The following AGFG1 variants were observed in gnomAD, a reference collection of about 807,000 sequenced individuals.
AGFG1 encodes arf-GAP domain and FG repeat-containing protein 1.
AGFG1 carries 10 observed loss-of-function variants against 60.6 expected under a neutral mutation model. The observed-to-expected ratio is 0.16, with a 90% CI of 0.10 to 0.28. The LOEUF (loss-of-function observed/expected upper bound fraction) is 0.28. AGFG1 is among the 10% of genes least tolerant of loss of function. The pLI is 1.00. For missense variants in AGFG1, 537 were observed against 676.5 expected (o/e 0.79, Z 2.29); for synonymous variants, 247 against 242.9 (o/e 1.02, Z -0.16).
intron 2 of AGFG1, among the ~76,000 whole-genome samples, chr2:227,514,540 A>G (rs568591327): frequency 8.1e-4 from 124 of 152,314 alleles, no homozygotes; most frequent in African/African-American, 2.9e-3. Context: ...AGTACAAAAC[A>G]TATATTAATT....
At chr2:227,536,865 T>G (rs2106225079) in intron 9 of AGFG1, 36 bp from the exon 10 acceptor site, 2 of 1,573,068 alleles carry the variant, frequency 1.3e-6, no homozygotes, top group East Asian at 2.3e-5. Flanking sequence ...ACAAAATGTA[T>G]TAGGATTTTA....
rs1693017889 is a variant in AGFG1 at position 227,557,790 on chromosome 2, A to G, written c.*3295A>G. The stretch of plus-strand genomic sequence containing the variant: ...CATTCCAACTTAAAAATTACACAGC[A>G]TACACACGCTGGAAAACTCCACTGT... On this transcript the variant is annotated 3_prime_UTR_variant, in exon 13 of 13. Coordinates refer to ENST00000310078, the MANE Select transcript of AGFG1 (RefSeq NM_004504.5). 6.6e-6 allele frequency: 1 copy of G among 152,232 alleles called. No individual in the cohort carries two copies. The highest frequency in any genetic ancestry group is 1.5e-5 in the Non-Finnish European group (1 of 68,046). 9.4% of individuals were successfully genotyped at this position (152,232 alleles called of 1,614,324 possible). A position where few individuals can be genotyped will look rare whatever the true frequency, so the allele number is the denominator to read the frequency against.
chr2:227,508,887 A>T (rs573584076), intron 2 of AGFG1, among the ~76,000 whole-genome samples: 1 of 152,250 alleles, frequency 6.6e-6, no homozygotes, highest in African/African-American at 2.4e-5. Context: ...ATATATTATA[A>T]ATGTGGATGA....
At chr2:227,536,364 A>G (rs1331222881) in intron 8 of AGFG1, among the ~76,000 whole-genome samples, 1 of 152,096 alleles carries the variant, frequency 6.6e-6, no homozygotes, top group African/African-American at 2.4e-5. Context: ...ACCAAACTGT[A>G]CTAGTCGTTA....
rs546489118 is a variant in AGFG1, at chr2:227,535,012, A to C, written c.1192A>C (p.Ser398Arg). The C allele has an allele frequency of 6.2e-7, 1 of 1,611,630 alleles. No homozygotes were observed. The highest frequency in any genetic ancestry group is 8.5e-7 in the Non-Finnish European group (1 of 1,178,684). The change falls in exon 8 of 13, where the codon AGT (serine) becomes CGT (arginine). Residue 398 changes from serine to arginine, a missense_variant. Ser to Arg is a moderately radical substitution (Grantham distance 110). Around this residue, in one of 4 missense-constraint regions of AGFG1, gnomAD observed 287 missense variants for 343.6 expected, o/e 0.84. Coordinates refer to ENST00000310078, the MANE Select transcript of AGFG1 (RefSeq NM_004504.5). ...CTCCAGTAATGCGTATACTTCCACAAGTAATGCTAGCAGGTACCTTGTCTT... is the reference window on the plus strand; with the variant it reads ...CTCCAGTAATGCGTATACTTCCACACGTAATGCTAGCAGGTACCTTGTCTT... ...ATSSNAYTST[S>R]NASSNVFGTV...
At chr2:227,552,243 CA>C in intron 11 of AGFG1, 126 bp downstream of exon 11, 2 of 1,162,138 alleles carry the variant, frequency 1.7e-6, no homozygotes, top group Non-Finnish European at 2.3e-6. Context: ...AGTGTTTACA[CA>C]AAAATAAAAG....
intron 10 of AGFG1, among the ~76,000 whole-genome samples, chr2:227,548,764 C>T (rs566145655): frequency 1.2e-3 from 180 of 152,154 alleles, no homozygotes; most frequent in Non-Finnish European, 1.8e-3. Context: ...GGTGAAACCC[C>T]GTCTCTACTA....
At chr2:227,491,763 A>G (rs1690827537) in intron 2 of AGFG1, 123 bp downstream of exon 2, 1 of 527,748 alleles carries the variant, frequency 1.9e-6, no homozygotes, top group South Asian at 3.7e-5. Context: ...TTTGTATTTT[A>G]TATTTAGATA....
At chr2:227,544,478 T>C (rs558815306) in intron 10 of AGFG1, among the ~76,000 whole-genome samples, 69 of 152,340 alleles carry the variant, frequency 4.5e-4, no homozygotes, top group Middle Eastern at 3.4e-3. Flanking sequence ...AATATTGTTA[T>C]GTGTGAATTT....
At chr2:227,493,007 A>G (rs1015599361) in intron 2 of AGFG1, among the ~76,000 whole-genome samples, 2 of 152,182 alleles carry the variant, frequency 1.3e-5, no homozygotes, top group Admixed American at 6.5e-5. Context: ...ATATTATTCT[A>G]TCTTTAGATT....
At chr2:227,479,586 G>T (rs576329580) in intron 1 of AGFG1, among the ~76,000 whole-genome samples, 1 of 152,204 alleles carries the variant, frequency 6.6e-6, no homozygotes, top group Middle Eastern at 3.4e-3. Flanking sequence ...TCTGTGCAGC[G>T]TGCATGATGT....
At position 227,559,129 on chromosome 2, in the gene AGFG1, C is replaced by G. The variant is rs1175914937; in HGVS notation, c.*4634C>G. 6.6e-6 allele frequency: 1 copy of G among 152,176 alleles called. No individual in the cohort carries two copies. The highest frequency in any genetic ancestry group is 1.5e-5 in the Non-Finnish European group (1 of 68,014). 9.4% of individuals were successfully genotyped at this position (152,176 alleles called of 1,614,324 possible). ...TGTGCTCTTATAGGGGTTGCACATT[C>G]AAGGCTTACACTGAATTCTGTCTGC... is the stretch of plus-strand genomic sequence containing the variant. On this transcript the variant is annotated 3_prime_UTR_variant, in exon 13 of 13. Transcript: ENST00000310078.
chr2:227,477,457 T>A (rs1690319976), intron 1 of AGFG1, among the ~76,000 whole-genome samples: 2 of 152,154 alleles, frequency 1.3e-5, no homozygotes, highest in South Asian at 4.1e-4. Flanking sequence ...CTGCTAGAAG[T>A]TGGGATCTGG....
Position 227,472,529 on chromosome 2 carries a change from C to G in AGFG1, c.108C>G (p.Gly36=). The change falls in exon 1 of 13, where the codon GGC becomes GGG. Residue 36 remains glycine (G), a synonymous_variant. Coordinates refer to ENST00000310078, the MANE Select transcript of AGFG1 (RefSeq NM_004504.5). The part of the protein sequence containing the change: ...NRKCFDCDQR[G]PTYVNMTVGS... ...AGTGCTTCGACTGCGACCAGCGCGG[C>G]CCCACCTACGTTAACATGACGGTCG... The G allele has an allele frequency of 6.3e-7, 1 of 1,583,184 alleles. No individual in the cohort carries two copies. The highest frequency in any genetic ancestry group is 8.6e-7 in the Non-Finnish European group (1 of 1,164,562).
intron 10 of AGFG1, among the ~76,000 whole-genome samples, chr2:227,551,503 C>T (rs575040247): frequency 3.3e-5 from 5 of 152,050 alleles, no homozygotes; most frequent in African/African-American, 7.2e-5. Flanking sequence ...TATTCTTCAG[C>T]GGTTTAAAAT....
chr2:227,514,326 C>T (rs562607656), intron 2 of AGFG1, among the ~76,000 whole-genome samples: 1 of 152,204 alleles, frequency 6.6e-6, no homozygotes, highest in South Asian at 2.1e-4. Flanking sequence ...ATTCTCCTGC[C>T]TCAGCCTTCT....
At chr2:227,528,723 T>A (rs1692068228) in intron 5 of AGFG1, among the ~76,000 whole-genome samples, 1 of 152,236 alleles carries the variant, frequency 6.6e-6, no homozygotes, top group South Asian at 2.1e-4. Flanking sequence ...GTTGGACTTT[T>A]CTTTGTAGCC....
chr2:227,536,373 T>TA (rs1412930964), intron 8 of AGFG1, among the ~76,000 whole-genome samples: 8 of 152,172 alleles, frequency 5.3e-5, no homozygotes, highest in African/African-American at 1.7e-4. Context: ...TACTAGTCGT[T>TA]ACAATAGTCA....
At chr2:227,473,788 A>G (rs1444970944) in intron 1 of AGFG1, among the ~76,000 whole-genome samples, 10 of 152,210 alleles carry the variant, frequency 6.6e-5, no homozygotes, top group Non-Finnish European at 1.5e-4. Context: ...CATGTCTAGT[A>G]TGTACTATTT....
Sources: gnomAD v4.1 joint callset for allele counts (sites outside exome capture counted in the v4.1 genomes callset) on GRCh38, gnomAD v4.1.1 for gene constraint, gnomAD v4.1.1 regional missense constraint, MANE v1.5 for transcripts, NCBI Gene and HGNC (gene_info 2026-07-23, HGNC 2026-07-21) for gene names.